DUSP14: variants seen among roughly 807,000 people sequenced by gnomAD.
DUSP14 encodes the protein dual specificity protein phosphatase 14.
DUSP14 carries 5 observed loss-of-function variants against 13.2 expected under a neutral mutation model. That is an observed-to-expected ratio of 0.38 (90% CI 0.20 to 0.80). The LOEUF (loss-of-function observed/expected upper bound fraction) is 0.80, where lower values mean the gene tolerates loss of function less well. Among genes scored for constraint, DUSP14 ranks in the 30% least tolerant of loss-of-function variants. The pLI, the probability that DUSP14 is intolerant of heterozygous loss-of-function variation, is 0.44. For synonymous variants in DUSP14, 91 were observed against 103.4 expected, an observed-to-expected ratio of 0.88 and a Z score of 0.73; for missense variants, 185 against 264.0, an observed-to-expected ratio of 0.70 and a Z score of 2.07.
chr17:37,491,324 A>G (rs936521552), intron 1 of DUSP14: 1 of 152,260 alleles, frequency 6.6e-6, no homozygotes, highest in African/African-American at 2.4e-5. Flanking sequence ...GAGAATTCAC[A>G]TCAGGGACAC....
At chr17:37,503,967 G>T (rs2143093816) in intron 1 of DUSP14, among the ~76,000 whole-genome samples, 1 of 152,266 alleles carries the variant, frequency 6.6e-6, no homozygotes, top group East Asian at 1.9e-4. Flanking sequence ...GCCAAGGTGG[G>T]CAGATCACCT....
chr17:37,512,157 C>A lies in DUSP14; in HGVS notation c.-92-24C>A. ...TGATGAATCAGTAGCATTTAAAGTA[C>A]TGACACATACCTGTATTTTGCAGGA... On this transcript the variant is annotated intron_variant, in intron 2 of 2. Coordinates refer to ENST00000617516, the MANE Select transcript of DUSP14 (RefSeq NM_007026.4). The surrounding 1 kb of genome is among the most constrained non-coding windows in gnomAD (Gnocchi z 4.8). 1 of 797,072 alleles carries A rather than the reference C, an allele frequency of 1.3e-6. No individual in the cohort carries two copies. Among genetic ancestry groups the A allele is most frequent in the Non-Finnish European group, 2.0e-6 (1 of 497,754 alleles). 49.4% of individuals were successfully genotyped at this position (797,072 alleles called of 1,614,324 possible). A position where few individuals can be genotyped will look rare whatever the true frequency, so the allele number is the denominator to read the frequency against.
intron 1 of DUSP14, among the ~76,000 whole-genome samples, chr17:37,494,352 G>T (rs2054049912): frequency 6.6e-6 from 1 of 152,156 alleles, no homozygotes; most frequent in South Asian, 2.1e-4. Flanking sequence ...AGTAGAAGTA[G>T]CTTAGAGCAG....
At chr17:37,510,553 T>C (rs1428799284) in intron 1 of DUSP14, 124 bp from the exon 2 acceptor site, 1 of 152,230 alleles carries the variant, frequency 6.6e-6, no homozygotes, top group Non-Finnish European at 1.5e-5. Context: ...CACCTGCGAA[T>C]GTTCAGTGCA....
At chr17:37,490,040 G>T (rs2054016064) in intron 1 of DUSP14, 82 bp downstream of exon 1, 2 of 148,430 alleles carry the variant, frequency 1.3e-5, no homozygotes, top group South Asian at 4.3e-4. Flanking sequence ...CGCGCTTCGG[G>T]TCCCTGGGCG....
At chr17:37,499,044 C>A (rs1278073659) in intron 1 of DUSP14, among the ~76,000 whole-genome samples, 2 of 152,154 alleles carry the variant, frequency 1.3e-5, no homozygotes, top group African/African-American at 4.8e-5. Flanking sequence ...TGAAGAACTG[C>A]CTGAGACTGG....
chr17:37,509,104 CAT>C (rs1164025226), intron 1 of DUSP14, among the ~76,000 whole-genome samples: 10,165 of 36,048 alleles, frequency 0.28, 2,644 homozygotes, highest in Admixed American at 0.46. Context: ...AAAAAAAACC[CAT>C]ATATATATAT....
At chr17:37,494,273 G>A (rs867296796) in intron 1 of DUSP14, among the ~76,000 whole-genome samples, 12 of 152,290 alleles carry the variant, frequency 7.9e-5, no homozygotes, top group Admixed American at 4.6e-4. Context: ...GATTACAGGC[G>A]TGAGCCACCG....
chr17:37,490,408 G>T (rs984935917), intron 1 of DUSP14, among the ~76,000 whole-genome samples: 1 of 152,222 alleles, frequency 6.6e-6, no homozygotes, highest in Non-Finnish European at 1.5e-5. Context: ...GAAGCAACTT[G>T]ACTTTCAGCG....
rs2054020931 is a variant in DUSP14 at position 37,490,583 on chromosome 17, A to G, written c.-181+625A>G. Among the ~76,000 whole-genome samples, 4 of 152,182 alleles carry G rather than the reference A, an allele frequency of 2.6e-5. 1 individual carries two copies. The South Asian group carries it at 8.3e-4, about 32-fold the overall frequency. On this transcript the variant is annotated intron_variant, in intron 1 of 2. Coordinates refer to ENST00000617516, the MANE Select transcript of DUSP14 (RefSeq NM_007026.4). ...TGTGGCCGCCTTAAGTGGATTGTAT[A>G]ACTGTATTTTATTTAGGTGGATGTT...
chr17:37,491,309 C>A (rs978057080), intron 1 of DUSP14, among the ~76,000 whole-genome samples: 16 of 152,136 alleles, frequency 1.1e-4, no homozygotes, highest in African/African-American at 3.6e-4. Context: ...TCGCCAGAGA[C>A]GCCTGAGAAT....
Position 37,512,201 on chromosome 17 carries a change from A to T in DUSP14, c.-72A>T. ...TGCAGGAAGGAGACTCTAATTTTGG[A>T]TTCCTTGGTGGAGGAAAATAAAACA... On this transcript the variant is annotated 5_prime_UTR_variant, in exon 3 of 3. Coordinates refer to ENST00000617516, the MANE Select transcript of DUSP14 (RefSeq NM_007026.4). This position sits in a 1 kb window ranked among gnomAD's most constrained non-coding sequence, Gnocchi z 4.8. 7.5e-7 allele frequency: 1 copy of T among 1,332,060 alleles called. No individual in the cohort carries two copies. Among genetic ancestry groups the T allele is most frequent in the Non-Finnish European group, 1.0e-6 (1 of 972,388 alleles). 82.5% of individuals were successfully genotyped at this position (1,332,060 alleles called of 1,614,324 possible).
chr17:37,503,500 G>A (rs928852912), intron 1 of DUSP14, among the ~76,000 whole-genome samples: 4 of 152,234 alleles, frequency 2.6e-5, no homozygotes, highest in Admixed American at 6.5e-5. Context: ...CATCTCTGGT[G>A]AATACATTCT....
intron 1 of DUSP14, among the ~76,000 whole-genome samples, chr17:37,503,100 G>A (rs192684551): frequency 6.6e-6 from 1 of 152,144 alleles, no homozygotes; most frequent in East Asian, 1.9e-4. Flanking sequence ...GGGGACATCA[G>A]CCCCACTGTT....
chr17:37,492,859 C>G (rs1420866331), intron 1 of DUSP14, among the ~76,000 whole-genome samples: 1 of 152,130 alleles, frequency 6.6e-6, no homozygotes, highest in Admixed American at 6.5e-5. Context: ...TTATGGAAAT[C>G]ATTTCCTTCT....
chr17:37,509,297 A>AGG (rs1555697375), intron 1 of DUSP14, among the ~76,000 whole-genome samples: 8 of 26,762 alleles, frequency 3.0e-4, no homozygotes, highest in African/African-American at 1.2e-3. Flanking sequence ...ATATATATAT[A>AGG]GTGTGTGTGT....
At chr17:37,501,285 CTTCAGTTTGCACT>C (rs908914159) in intron 1 of DUSP14, among the ~76,000 whole-genome samples, 5 of 152,272 alleles carry the variant, frequency 3.3e-5, no homozygotes, top group African/African-American at 1.2e-4. Flanking sequence ...TGAGTTTAAT[CTTCAGTTTGCACT>C]TTTCAAAAAC....
chr17:37,501,507 C>T (rs1437614659), intron 1 of DUSP14, among the ~76,000 whole-genome samples: 2 of 151,928 alleles, frequency 1.3e-5, no homozygotes, highest in East Asian at 3.9e-4. Context: ...GCCCCCATTC[C>T]AAGTCTAAAA....
At chr17:37,507,092 G>A (rs1326540596) in intron 1 of DUSP14, among the ~76,000 whole-genome samples, 1 of 152,204 alleles carries the variant, frequency 6.6e-6, no homozygotes, top group Non-Finnish European at 1.5e-5. Context: ...CACTTCTCAA[G>A]TTGAAATCTC....
Sources: allele counts gnomAD v4.1 joint callset (sites outside exome capture counted in the v4.1 genomes callset), GRCh38; gene constraint gnomAD v4.1.1; non-coding constraint Gnocchi (gnomAD v3.1); transcripts MANE v1.5; gene names NCBI Gene and HGNC (gene_info 2026-07-23, HGNC 2026-07-21).